IQCM: variants seen among roughly 807,000 people sequenced by gnomAD.
IQCM encodes IQ motif containing M.
IQCM carries 45 observed loss-of-function variants against 57.6 expected under a neutral mutation model. The ratio of observed to expected loss-of-function variants is 0.78; its 90% CI spans 0.62 to 1.00. The LOEUF (loss-of-function observed/expected upper bound fraction) is 1.00, where lower values mean the gene tolerates loss of function less well. Among genes scored for constraint, IQCM ranks in the 50% least tolerant of loss-of-function variants. The pLI is 0.00. For synonymous variants in IQCM, 148 were observed against 158.9 expected, an observed-to-expected ratio of 0.93 and a Z score of 0.51; for missense variants, 468 against 511.6, an observed-to-expected ratio of 0.91 and a Z score of 0.82.
At chr4:149,363,726 A>C (rs996443920) in intron 13 of IQCM, among the ~76,000 whole-genome samples, 6 of 152,168 alleles carry the variant, frequency 3.9e-5, no homozygotes, top group Non-Finnish European at 4.4e-5. Flanking sequence ...TGTATTTCTG[A>C]GTTTTTAAAT....
chr4:149,498,162 G>T (rs899233897), intron 12 of IQCM, among the ~76,000 whole-genome samples: 1 of 152,144 alleles, frequency 6.6e-6, no homozygotes, highest in Non-Finnish European at 1.5e-5. Flanking sequence ...AGCTAGGTAG[G>T]AAACCACTTG....
At chr4:149,648,950 G>GT (rs1561104115) in intron 7 of IQCM, among the ~76,000 whole-genome samples, 2 of 151,898 alleles carry the variant, frequency 1.3e-5, no homozygotes, top group African/African-American at 4.8e-5. Context: ...AATAATTTGC[G>GT]TAAATTACCT....
intron 7 of IQCM, among the ~76,000 whole-genome samples, chr4:149,647,118 C>G (rs1405250405): frequency 3.3e-5 from 5 of 152,058 alleles, no homozygotes; most frequent in African/African-American, 1.2e-4. Context: ...AAACCCGCTG[C>G]TAGTCTGAAA....
intron 7 of IQCM, among the ~76,000 whole-genome samples, chr4:149,669,955 T>C (rs1324732450): frequency 6.6e-6 from 1 of 152,202 alleles, no homozygotes; most frequent in Non-Finnish European, 1.5e-5. Context: ...GTCTTGGCAA[T>C]GTGGGCTCTT....
At chr4:149,566,806 C>T (rs1279311550) in intron 9 of IQCM, among the ~76,000 whole-genome samples, 2 of 151,980 alleles carry the variant, frequency 1.3e-5, no homozygotes, top group Non-Finnish European at 1.5e-5. Flanking sequence ...AAGACAAGAA[C>T]AATTTATAGA....
chr4:149,481,701 G>GTTTTTTTTTTTTTTTGTTTGTTT (rs1740837055), intron 12 of IQCM, among the ~76,000 whole-genome samples: 11 of 51,550 alleles, frequency 2.1e-4, no homozygotes, highest in African/African-American at 7.6e-4. Context: ...TTCCAGTTTT[G>GTTTTTTTTTTTTTTTGTTTGTTT]TTTTTTTTTT....
At chr4:149,494,682 A>G (rs1198060798) in intron 12 of IQCM, among the ~76,000 whole-genome samples, 4 of 152,126 alleles carry the variant, frequency 2.6e-5, no homozygotes, top group Admixed American at 1.3e-4. Flanking sequence ...ACAAGCATAA[A>G]GAATAGAACA....
intron 8 of IQCM, among the ~76,000 whole-genome samples, chr4:149,608,369 T>C (rs1754981562): frequency 6.6e-6 from 1 of 151,696 alleles, no homozygotes; most frequent in Admixed American, 6.6e-5. Flanking sequence ...AGACAGAAAA[T>C]CAATTAAGAA....
At chr4:149,520,327 T>C (rs1745497484) in intron 12 of IQCM, among the ~76,000 whole-genome samples, 1 of 151,718 alleles carries the variant, frequency 6.6e-6, no homozygotes, top group African/African-American at 2.4e-5. Flanking sequence ...CCCACATGGC[T>C]GACTCCAGAC....
In IQCM at chr4:149,802,898, G is replaced by A. The variant is rs377174058; in HGVS notation, c.-49+12413C>T. Among the ~76,000 whole-genome samples the A allele has an allele frequency of 1.2e-3, 185 of 152,014 alleles. 6 individuals carry two copies. In the South Asian group the frequency reaches 0.035, roughly 28 times the overall value. On this transcript the variant is annotated intron_variant, in intron 2 of 13. Transcript: ENST00000636793. ...CTCGGAAAAATGCTGCTCTACATAT[G>A]ACAACAATGACAATACTTTCTAATG...
At chr4:149,542,195 C>G (rs1033822578) in intron 12 of IQCM, among the ~76,000 whole-genome samples, 6 of 151,966 alleles carry the variant, frequency 3.9e-5, no homozygotes, top group Non-Finnish European at 7.4e-5. Flanking sequence ...GGAGTGGCCC[C>G]TTTCTGTAAA....
At chr4:149,515,609 C>T (rs1435501462) in intron 12 of IQCM, among the ~76,000 whole-genome samples, 4 of 152,170 alleles carry the variant, frequency 2.6e-5, no homozygotes, top group Non-Finnish European at 4.4e-5. Context: ...ACAGGTGCAG[C>T]ACTACAGCCC....
intron 2 of IQCM, among the ~76,000 whole-genome samples, chr4:149,811,706 A>G (rs1034528374): frequency 1.3e-5 from 2 of 152,182 alleles, no homozygotes; most frequent in Non-Finnish European, 2.9e-5. Flanking sequence ...GGCTTGCCTT[A>G]TACTGAACAA....
chr4:149,772,882 TG>T (rs1770717096), intron 2 of IQCM, among the ~76,000 whole-genome samples: 1 of 152,204 alleles, frequency 6.6e-6, no homozygotes, highest in African/African-American at 2.4e-5. Flanking sequence ...AAACACTTTG[TG>T]GAACATGTTT....
At chr4:149,597,775 G>C (rs1296453641) in intron 8 of IQCM, among the ~76,000 whole-genome samples, 3 of 152,118 alleles carry the variant, frequency 2.0e-5, no homozygotes, top group Non-Finnish European at 4.4e-5. Context: ...GCAGAGTTTT[G>C]TGTTTGGGGT....
intron 12 of IQCM, among the ~76,000 whole-genome samples, chr4:149,543,887 A>G (rs1408400254): frequency 6.6e-6 from 1 of 152,190 alleles, no homozygotes; most frequent in African/African-American, 2.4e-5. Context: ...AAAGTGATGT[A>G]GATGCTTCTA....
intron 12 of IQCM, among the ~76,000 whole-genome samples, chr4:149,516,373 A>G (rs1744966423): frequency 6.6e-6 from 1 of 152,146 alleles, no homozygotes; most frequent in Admixed American, 6.5e-5. Context: ...GGTATTCCAC[A>G]CAGCATTGCC....
chr4:149,433,783 G>A (rs1243582112), intron 12 of IQCM, among the ~76,000 whole-genome samples: 2 of 151,578 alleles, frequency 1.3e-5, no homozygotes, highest in Non-Finnish European at 2.9e-5. Context: ...ACCACTATCA[G>A]CTTGAAGCAG....
intron 12 of IQCM, among the ~76,000 whole-genome samples, chr4:149,522,109 T>C (rs1167567842): frequency 6.6e-6 from 1 of 152,176 alleles, no homozygotes; most frequent in Non-Finnish European, 1.5e-5. Flanking sequence ...CCAGAGTTTC[T>C]GACATCTGAT....
Sources: allele counts gnomAD v4.1 joint callset (sites outside exome capture counted in the v4.1 genomes callset), GRCh38; gene constraint gnomAD v4.1.1; transcripts MANE v1.5; gene names NCBI Gene and HGNC (gene_info 2026-07-23, HGNC 2026-07-21).